PRKCA: variants seen among roughly 807,000 people sequenced by gnomAD.
The protein encoded by PRKCA is protein kinase C alpha, also known as protein kinase C alpha type.
A neutral mutation model predicts 87.0 loss-of-function variants in PRKCA; 27 were observed. The observed-to-expected ratio is 0.31, with a 90% CI of 0.23 to 0.43. The LOEUF (loss-of-function observed/expected upper bound fraction) is 0.43. Ranked by LOEUF, PRKCA falls within the 20% of genes least tolerant of loss-of-function variation. The pLI is 1.00. For missense variants in PRKCA, 518 were observed against 852.3 expected (o/e 0.61, Z 4.88); for synonymous variants, 329 against 311.1 (o/e 1.06, Z -0.61).
At chr17:66,759,104 T>C (rs976366912) in intron 13 of PRKCA, among the ~76,000 whole-genome samples, 4 of 151,830 alleles carry the variant, frequency 2.6e-5, no homozygotes, top group Admixed American at 6.6e-5. Flanking sequence ...CCTGTAATCC[T>C]AGCACTTTGG....
intron 3 of PRKCA, among the ~76,000 whole-genome samples, chr17:66,621,450 T>C (rs190351523): frequency 3.7e-4 from 57 of 152,358 alleles, no homozygotes; most frequent in African/African-American, 1.4e-3. Flanking sequence ...AAGTTTACTA[T>C]TGTGAAACCT....
intron 2 of PRKCA, among the ~76,000 whole-genome samples, chr17:66,480,968 G>A (rs182294568): frequency 6.6e-6 from 1 of 152,138 alleles, no homozygotes; most frequent in East Asian, 1.9e-4. Context: ...GTTTGCATGA[G>A]GTGGCCCAAG....
intron 3 of PRKCA, among the ~76,000 whole-genome samples, chr17:66,544,119 G>T (rs1013746038): frequency 2.6e-5 from 4 of 152,098 alleles, no homozygotes; most frequent in African/African-American, 7.2e-5. Flanking sequence ...GGTGGTGGGG[G>T]GAGCTGAGGC....
At chr17:66,507,516 T>A (rs771163912) in intron 3 of PRKCA, among the ~76,000 whole-genome samples, 11 of 152,186 alleles carry the variant, frequency 7.2e-5, no homozygotes, top group Non-Finnish European at 1.5e-4. Flanking sequence ...AAATTTGGAA[T>A]CATACAATCC....
chr17:66,692,942 T>C (rs1363757041), intron 8 of PRKCA, among the ~76,000 whole-genome samples: 1 of 152,238 alleles, frequency 6.6e-6, no homozygotes, highest in Non-Finnish European at 1.5e-5. Context: ...TCTGTCCTTA[T>C]CCTTCCATGT....
intron 3 of PRKCA, among the ~76,000 whole-genome samples, chr17:66,523,319 T>A (rs1297733584): frequency 1.3e-5 from 2 of 152,118 alleles, no homozygotes; most frequent in African/African-American, 4.8e-5. Context: ...TAGGAAAAAC[T>A]GGGAGTTAAA....
chr17:66,319,727 A>G (rs1424894438), intron 2 of PRKCA, among the ~76,000 whole-genome samples: 1 of 137,940 alleles, frequency 7.2e-6, no homozygotes, highest in Non-Finnish European at 1.6e-5. Flanking sequence ...ACCTGAATTC[A>G]TATACTTCTT....
At chr17:66,370,386 C>T (rs1291719948) in intron 2 of PRKCA, among the ~76,000 whole-genome samples, 2 of 151,656 alleles carry the variant, frequency 1.3e-5, no homozygotes, top group East Asian at 1.9e-4. Flanking sequence ...TGCACACCAC[C>T]ATAGCTGGCT....
At chr17:66,658,627 A>G (rs1971802793) in intron 5 of PRKCA, among the ~76,000 whole-genome samples, 1 of 152,212 alleles carries the variant, frequency 6.6e-6, no homozygotes, top group South Asian at 2.1e-4. Context: ...ACCATATCAT[A>G]TGGCGTTGAC....
At chr17:66,333,854 C>T (rs1316101398) in intron 2 of PRKCA, among the ~76,000 whole-genome samples, 2 of 152,112 alleles carry the variant, frequency 1.3e-5, no homozygotes. Context: ...GGGGGTTATA[C>T]TTTTTAAAAA....
intron 13 of PRKCA, among the ~76,000 whole-genome samples, chr17:66,761,152 A>G (rs749374471): frequency 3.9e-5 from 6 of 152,100 alleles, no homozygotes; most frequent in Non-Finnish European, 8.8e-5. Context: ...TGGGCGGATC[A>G]CAAGGTCAGG....
intron 2 of PRKCA, among the ~76,000 whole-genome samples, chr17:66,389,996 G>T (rs1333419839): frequency 6.6e-6 from 1 of 152,246 alleles, no homozygotes; most frequent in African/African-American, 2.4e-5. Flanking sequence ...GGCCAAGGCG[G>T]GTGGATCACC....
intron 8 of PRKCA, among the ~76,000 whole-genome samples, chr17:66,725,115 C>T (rs1014697700): frequency 2.0e-5 from 3 of 152,170 alleles, no homozygotes; most frequent in Non-Finnish European, 2.9e-5. Context: ...GGAGGGTCAT[C>T]ATGTGGCCAA....
At chr17:66,365,360 C>G (rs1219249857) in intron 2 of PRKCA, among the ~76,000 whole-genome samples, 2 of 152,102 alleles carry the variant, frequency 1.3e-5, no homozygotes, top group Admixed American at 1.3e-4. Flanking sequence ...CTTCCTGCAG[C>G]TTAAGTAGGA....
intron 8 of PRKCA, among the ~76,000 whole-genome samples, chr17:66,710,671 A>AG (rs549999517): frequency 3.2e-4 from 49 of 152,100 alleles, no homozygotes; most frequent in African/African-American, 1.2e-3. Context: ...CCATGAAAAA[A>AG]AATGCCATGT....
chr17:66,387,935 C>T (rs1402122190), intron 2 of PRKCA, among the ~76,000 whole-genome samples: 9 of 152,330 alleles, frequency 5.9e-5, no homozygotes, highest in South Asian at 2.1e-4. Flanking sequence ...ATGCTGTCCC[C>T]GGGTCCATTC....
chr17:66,343,144 G>T (rs910419419), intron 2 of PRKCA, among the ~76,000 whole-genome samples: 1 of 151,888 alleles, frequency 6.6e-6, no homozygotes, highest in Non-Finnish European at 1.5e-5. Context: ...AGGGGAGAGG[G>T]AGCATCTTGT....
chr17:66,616,898 C>T (rs1425068152), intron 3 of PRKCA, among the ~76,000 whole-genome samples: 1 of 150,588 alleles, frequency 6.6e-6, no homozygotes, highest in African/African-American at 2.5e-5. Context: ...GGGGTGGGGC[C>T]GTGGTCAGTT....
chr17:66,637,216 G>A (rs558619959), intron 3 of PRKCA, among the ~76,000 whole-genome samples: 1 of 152,232 alleles, frequency 6.6e-6, no homozygotes, highest in African/African-American at 2.4e-5. Context: ...CAACCAACTG[G>A]TATGACAACC....
Sources: gnomAD v4.1 joint callset for allele counts (sites outside exome capture counted in the v4.1 genomes callset) on GRCh38, gnomAD v4.1.1 for gene constraint, MANE v1.5 for transcripts, NCBI Gene and HGNC (gene_info 2026-07-23, HGNC 2026-07-21) for gene names.